Variants in CHSY1 observed in about 807,000 individuals in gnomAD.
The protein encoded by CHSY1 is N-acetylgalactosaminyl-proteoglycan 3-beta-glucuronosyltransferase 1.
CHSY1 carries 13 observed loss-of-function variants against 59.8 expected under a neutral mutation model. The observed-to-expected ratio is 0.22, with a 90% CI of 0.14 to 0.35. The LOEUF is 0.35. Among genes scored for constraint, CHSY1 ranks in the 10% least tolerant of loss-of-function variants. CHSY1 has a pLI of 1.00. For missense variants in CHSY1, 947 were observed against 1,030.6 expected (o/e 0.92, Z 1.11); for synonymous variants, 459 against 401.2 (o/e 1.14, Z -1.72).
chr15:101,250,951 G>A (rs1322638149), intron 1 of CHSY1, among the ~76,000 whole-genome samples, 186 bp downstream of exon 1: 1 of 152,178 alleles, frequency 6.6e-6, no homozygotes, highest in Non-Finnish European at 1.5e-5. Context: ...CCTGAGCGCC[G>A]CGCTCACCAT....
rs1032753248 is a variant in CHSY1, at chr15:101,235,518, G to T, written c.380C>A (p.Thr127Lys). 9.9e-6 allele frequency: 16 copies of T among 1,613,828 alleles called. No individual in the cohort carries two copies. Among genetic ancestry groups the T allele is most frequent in the Non-Finnish European group, 1.4e-5 (16 of 1,179,952 alleles). ...TGGCACTACTGGAATTGGTACAGATGTGTCAGAACCCTCACTTGAGAAGAA... is the reference window on the plus strand; with the variant it reads ...TGGCACTACTGGAATTGGTACAGATTTGTCAGAACCCTCACTTGAGAAGAA... The part of the protein sequence containing the change: ...VQFFSSEGSD[T>K]SVPIPVVPLR... The change falls in exon 2 of 3, where the codon ACA (threonine) becomes AAA (lysine). Residue 127 changes from threonine to lysine, a missense_variant. Thr to Lys is a moderately conservative substitution (Grantham distance 78). This residue lies in a region of CHSY1 where 232 missense variants were observed against 188.5 expected (regional missense o/e 1.23). Coordinates refer to ENST00000254190, the MANE Select transcript of CHSY1 (RefSeq NM_014918.5).
intron 2 of CHSY1, among the ~76,000 whole-genome samples, chr15:101,184,868 TCAGA>T (rs1197208916): frequency 2.6e-5 from 4 of 152,298 alleles, no homozygotes; most frequent in Non-Finnish European, 5.9e-5. Flanking sequence ...TATAAACAAT[TCAGA>T]CAGAGAAGTT....
chr15:101,250,715 A>C (rs556810956), intron 1 of CHSY1, among the ~76,000 whole-genome samples: 1 of 152,372 alleles, frequency 6.6e-6, no homozygotes, highest in African/African-American at 2.4e-5. Context: ...CACGGGCTCC[A>C]GCTTTGCAAG....
At chr15:101,195,061 C>G (rs2038490249) in intron 2 of CHSY1, among the ~76,000 whole-genome samples, 1 of 152,114 alleles carries the variant, frequency 6.6e-6, no homozygotes, top group African/African-American at 2.4e-5. Flanking sequence ...AAAATGCCGT[C>G]AAGTAGAAAC....
At chr15:101,193,185 A>G (rs2038466906) in intron 2 of CHSY1, among the ~76,000 whole-genome samples, 3 of 152,252 alleles carry the variant, frequency 2.0e-5, no homozygotes, top group Admixed American at 2.0e-4. Flanking sequence ...GGTTCTTGAC[A>G]AGACAACTAG....
intron 2 of CHSY1, among the ~76,000 whole-genome samples, chr15:101,185,844 T>C (rs759014151): frequency 6.6e-6 from 1 of 151,948 alleles, no homozygotes; most frequent in Non-Finnish European, 1.5e-5. Context: ...CTGAATCATT[T>C]TGCTCTAGGC....
chr15:101,196,135 G>C (rs1422941754), intron 2 of CHSY1, among the ~76,000 whole-genome samples: 1 of 151,072 alleles, frequency 6.6e-6, no homozygotes, highest in Non-Finnish European at 1.5e-5. Context: ...TGTAATTCCA[G>C]CTGAGGCGGA....
intron 2 of CHSY1, among the ~76,000 whole-genome samples, chr15:101,201,886 G>C (rs2038577496): frequency 1.3e-5 from 2 of 152,232 alleles, no homozygotes. Context: ...GTGTCCAGGA[G>C]GGGGTTAGAA....
chr15:101,212,142 A>G (rs951028217), intron 2 of CHSY1, among the ~76,000 whole-genome samples: 7 of 152,190 alleles, frequency 4.6e-5, no homozygotes, highest in African/African-American at 1.7e-4. Context: ...AATGTCTAAA[A>G]CCATAAAAGA....
At chr15:101,201,434 A>G (rs975512805) in intron 2 of CHSY1, among the ~76,000 whole-genome samples, 3 of 152,216 alleles carry the variant, frequency 2.0e-5, no homozygotes, top group Admixed American at 6.5e-5. Flanking sequence ...AAAGGCTCAC[A>G]TGAGAAAGAT....
chr15:101,210,554 G>A (rs2038672916), intron 2 of CHSY1, among the ~76,000 whole-genome samples: 1 of 152,100 alleles, frequency 6.6e-6, no homozygotes, highest in East Asian at 1.9e-4. Context: ...TCATAATCAA[G>A]AAGACTGCGA....
At chr15:101,213,446 A>G (rs1053959081) in intron 2 of CHSY1, among the ~76,000 whole-genome samples, 2 of 152,240 alleles carry the variant, frequency 1.3e-5, no homozygotes, top group Non-Finnish European at 2.9e-5. Context: ...GAGGCTGACC[A>G]ATGGAAAACA....
At position 101,235,242 on chromosome 15, in the gene CHSY1, C is replaced by G; in HGVS notation, c.656G>C (p.Cys219Ser). Reference protein sequence around the residue: ...KLALEPGENFCMGGPGVIMSR... With the variant: ...KLALEPGENFSMGGPGVIMSR... ...CATGATCACGCCAGGCCCCCCCATG[C>G]AGAAGTTCTCACCAGGCTCCAGGGC... The change falls in exon 2 of 3, where the codon TGC (cysteine) becomes TCC (serine). Residue 219 changes from cysteine (C) to serine (S), a missense_variant. Cys to Ser is a moderately radical substitution (Grantham distance 112). Transcript: ENST00000254190. 1 of 1,614,138 alleles carries G rather than the reference C, an allele frequency of 6.2e-7. No individual in the cohort carries two copies. Among genetic ancestry groups the G allele is most frequent in the Non-Finnish European group, 8.5e-7 (1 of 1,180,018 alleles).
chr15:101,191,546 C>G (rs2038445069), intron 2 of CHSY1, among the ~76,000 whole-genome samples: 1 of 152,150 alleles, frequency 6.6e-6, no homozygotes, highest in African/African-American at 2.4e-5. Context: ...CCAAGAGTGA[C>G]TCCTATTGTA....
intron 2 of CHSY1, among the ~76,000 whole-genome samples, chr15:101,189,138 C>T (rs570397805): frequency 7.2e-5 from 11 of 152,224 alleles, no homozygotes; most frequent in East Asian, 3.9e-4. Flanking sequence ...AACACAAGAT[C>T]GAGCCGGCGA....
chr15:101,186,147 CAAAAAAAAA>C (rs35398576), intron 2 of CHSY1, among the ~76,000 whole-genome samples: 8 of 79,592 alleles, frequency 1.0e-4, no homozygotes, highest in African/African-American at 3.8e-4. Context: ...TTGTCTCTAC[CAAAAAAAAA>C]AAAAAAAAAA....
chr15:101,204,908 G>T (rs767557146), intron 2 of CHSY1, among the ~76,000 whole-genome samples: 1 of 151,842 alleles, frequency 6.6e-6, no homozygotes, highest in Non-Finnish European at 1.5e-5. Flanking sequence ...CCATCCCCCC[G>T]CCACACACAC....
chr15:101,210,365 A>G (rs937836230), intron 2 of CHSY1, among the ~76,000 whole-genome samples: 1 of 152,238 alleles, frequency 6.6e-6, no homozygotes, highest in Non-Finnish European at 1.5e-5. Context: ...CAAAAACCCT[A>G]CATTTAATAG....
intron 1 of CHSY1, among the ~76,000 whole-genome samples, 155 bp from the exon 2 acceptor site, chr15:101,235,732 G>A (rs949996344): frequency 7.2e-4 from 110 of 152,164 alleles, no homozygotes; most frequent in African/African-American, 2.6e-3. Context: ...CCAGGTTACC[G>A]CGTATTGCAA....
Sources: allele counts gnomAD v4.1 joint callset (sites outside exome capture counted in the v4.1 genomes callset), GRCh38; gene constraint gnomAD v4.1.1; regional missense constraint gnomAD v4.1.1; transcripts MANE v1.5; gene names NCBI Gene and HGNC (gene_info 2026-07-23, HGNC 2026-07-21).